FAM228B: variants seen among roughly 807,000 people sequenced by gnomAD.
FAM228B encodes the protein protein FAM228B.
FAM228B carries 38 observed loss-of-function variants against 42.6 expected under a neutral mutation model. The observed-to-expected ratio is 0.89, with a 90% CI of 0.69 to 1.17. The LOEUF (loss-of-function observed/expected upper bound fraction) is 1.17. Ranked by LOEUF, FAM228B falls within the 50% of genes most tolerant of loss-of-function variation. The pLI is 0.00. For missense variants in FAM228B, 344 were observed against 367.3 expected, an observed-to-expected ratio of 0.94 and a Z score of 0.52; for synonymous variants, 109 against 122.3, an observed-to-expected ratio of 0.89 and a Z score of 0.72.
intron 7 of FAM228B, among the ~76,000 whole-genome samples, chr2:24,154,619 A>C (rs1283322381): frequency 2.6e-5 from 4 of 152,230 alleles, no homozygotes; most frequent in African/African-American, 9.6e-5. Flanking sequence ...TCTGAGGATG[A>C]GAGCATGAGA....
At chr2:24,140,563 T>A (rs1013169891) in intron 5 of FAM228B, among the ~76,000 whole-genome samples, 6 of 152,124 alleles carry the variant, frequency 3.9e-5, no homozygotes, top group African/African-American at 1.4e-4. Flanking sequence ...CAAACACCAG[T>A]TTTTTCTAAG....
At chr2:24,092,924 GCACACACACACACA>G (rs3030954) in intron 2 of FAM228B, among the ~76,000 whole-genome samples, 8 of 133,514 alleles carry the variant, frequency 6.0e-5, no homozygotes, top group Non-Finnish European at 8.0e-5. Context: ...ATGATTTTAT[GCACACACACACACA>G]CACACACACA....
At position 24,147,121 on chromosome 2, in the gene FAM228B, T is replaced by C. The variant is rs745699107; in HGVS notation, c.686+35T>C. ...AATATACTAGAAATTATAGAACCTT[T>C]TGGACTTTGAAAATTCTTCAGACTG... is the stretch of plus-strand genomic sequence containing the variant. On this transcript the variant is annotated intron_variant, in intron 7 of 10. Transcript: ENST00000615575. 8 of 1,410,122 alleles carry C rather than the reference T, an allele frequency of 5.7e-6. No individual in the cohort carries two copies. The African/African-American group carries it at 1.2e-4, about 20-fold the overall frequency. The allele number at this position is 1,410,122 out of a possible 1,614,324, so 87.4% of individuals were successfully genotyped here.
chr2:24,135,306 C>G (rs1666553660), intron 3 of FAM228B, 119 bp downstream of exon 3: 2 of 600,560 alleles, frequency 3.3e-6, no homozygotes, highest in East Asian at 3.1e-5. Context: ...TAAAAGAACA[C>G]TCCCTTGCAC....
intron 7 of FAM228B, among the ~76,000 whole-genome samples, chr2:24,158,724 C>T (rs919378765): frequency 2.0e-5 from 3 of 152,104 alleles, no homozygotes; most frequent in Admixed American, 6.6e-5. Flanking sequence ...GATATGATGA[C>T]ACAAGGGAAT....
At chr2:24,127,613 T>C (rs1666347888) in intron 2 of FAM228B, among the ~76,000 whole-genome samples, 1 of 152,222 alleles carries the variant, frequency 6.6e-6, no homozygotes, top group African/African-American at 2.4e-5. Context: ...ATTGAACTTC[T>C]TGTATCTGTG....
chr2:24,156,385 C>T (rs980679521), intron 7 of FAM228B, among the ~76,000 whole-genome samples: 1 of 152,138 alleles, frequency 6.6e-6, no homozygotes, highest in African/African-American at 2.4e-5. Context: ...GTAATCCCAG[C>T]ATTTTGGGAG....
At chr2:24,078,728 G>A (rs1664867789) in intron 1 of FAM228B, among the ~76,000 whole-genome samples, 1 of 152,188 alleles carries the variant, frequency 6.6e-6, no homozygotes. Flanking sequence ...CTTTACCCAG[G>A]AGGCAGCCAC....
At chr2:24,098,259 C>A (rs939331104) in intron 3 of FAM228B, among the ~76,000 whole-genome samples, 1 of 151,968 alleles carries the variant, frequency 6.6e-6, no homozygotes, top group Non-Finnish European at 1.5e-5. Context: ...CAAAAGCTAG[C>A]AGAAGGCAAG....
intron 2 of FAM228B, among the ~76,000 whole-genome samples, chr2:24,092,346 G>T (rs933157357): frequency 3.3e-5 from 5 of 152,026 alleles, no homozygotes; most frequent in Admixed American, 3.3e-4. Context: ...AGGCCAAGGT[G>T]TGTGGATTAT....
chr2:24,079,768 T>C, intron 1 of FAM228B: 1 of 835,478 alleles, frequency 1.2e-6, no homozygotes, highest in Non-Finnish European at 1.9e-6. Flanking sequence ...TTAGAAACAC[T>C]GCTTGAAGAA....
chr2:24,121,107 A>G, upstream of FAM228B: 1 of 1,599,442 alleles, frequency 6.3e-7, no homozygotes. Context: ...GAGCAAGGAA[A>G]TTTGGAGGCA....
At chr2:24,121,114 G>A (rs190913323), upstream of FAM228B, 3 of 1,602,820 alleles carry the variant, frequency 1.9e-6, no homozygotes, top group African/African-American at 2.7e-5. Flanking sequence ...GAAATTTGGA[G>A]GCAAATTCTT....
intron 3 of FAM228B, among the ~76,000 whole-genome samples, chr2:24,110,638 G>A (rs1381441010): frequency 2.0e-5 from 3 of 152,178 alleles, no homozygotes; most frequent in Admixed American, 6.5e-5. Flanking sequence ...CTGTGCCCCC[G>A]CCCTATACAT....
intron 7 of FAM228B, among the ~76,000 whole-genome samples, chr2:24,159,285 C>T (rs1667234412): frequency 6.6e-6 from 1 of 152,178 alleles, no homozygotes; most frequent in Admixed American, 6.5e-5. Context: ...TAATTCATTC[C>T]ATCAAAGAAT....
In FAM228B at chr2:24,109,623, A is replaced by G. The variant is rs190344724; in HGVS notation, c.-121+14394A>G. Among the ~76,000 whole-genome samples, 166 of 152,366 alleles carry G rather than the reference A, an allele frequency of 1.1e-3. 2 individuals carry two copies. In the East Asian group the frequency reaches 0.015, roughly 13 times the overall value. ...AAAACAACCCCATCAAAAAGTGGGC[A>G]AAGAACATGAACAGACACTTTTCAA... On this transcript the variant is annotated intron_variant, in intron 3 of 10. Coordinates refer to the FAM228B transcript ENST00000613899.
intron 3 of FAM228B, among the ~76,000 whole-genome samples, chr2:24,103,919 A>G (rs1665654399): frequency 1.3e-5 from 2 of 152,240 alleles, no homozygotes. Context: ...ATGGTAAGCC[A>G]GGACTCAGGA....
At chr2:24,105,566 C>T (rs1459919982) in intron 3 of FAM228B, among the ~76,000 whole-genome samples, 1 of 152,196 alleles carries the variant, frequency 6.6e-6, no homozygotes, top group Non-Finnish European at 1.5e-5. Flanking sequence ...GTCTTCTTTC[C>T]TCCAAATGAC....
intron 1 of FAM228B, among the ~76,000 whole-genome samples, chr2:24,123,866 C>A (rs1469194642): frequency 1.3e-5 from 2 of 152,146 alleles, no homozygotes; most frequent in Admixed American, 1.3e-4. Context: ...CCGTCGCACC[C>A]GTGCCTCGGG....
Sources: gnomAD v4.1 joint callset for allele counts (sites outside exome capture counted in the v4.1 genomes callset) on GRCh38, gnomAD v4.1.1 for gene constraint, MANE v1.5 for transcripts, NCBI Gene and HGNC (gene_info 2026-07-23, HGNC 2026-07-21) for gene names.